EIF4G1: variants seen among roughly 807,000 people sequenced by gnomAD.
EIF4G1 encodes EIF4-gamma.
EIF4G1 carries 4 observed loss-of-function variants against 187.8 expected under a neutral mutation model. That is an observed-to-expected ratio of 0.02 (90% CI 0.01 to 0.05). The LOEUF is 0.05. Among genes scored for constraint, EIF4G1 ranks in the 10% least tolerant of loss-of-function variants. The pLI is 1.00. For synonymous variants in EIF4G1, 844 were observed against 781.4 expected (o/e 1.08, Z -1.34); for missense variants, 1,647 against 2,081.1 (o/e 0.79, Z 4.06).
chr3:184,328,559 C>A (rs917928459), intron 26 of EIF4G1, 72 bp from the exon 27 acceptor site: 1 of 1,608,738 alleles, frequency 6.2e-7, no homozygotes, highest in Admixed American at 1.7e-5. Flanking sequence ...GATGCCCTAG[C>A]CATGCCACGT....
rs139865627 is a variant in EIF4G1, at chr3:184,332,043, C to T, written c.4575C>T (p.Leu1525=). 6.8e-6 allele frequency: 11 copies of T among 1,614,228 alleles called. No homozygotes were observed. The highest frequency in any genetic ancestry group is 1.7e-5 in the Admixed American group (1 of 60,030). ...LCDEQKELQA[L]YALQALVVTL... ...ACGAGCAGAAGGAGCTACAGGCGCT[C>T]TACGCCCTCCAGGCCCTTGTAGTGA... is the stretch of plus-strand genomic sequence containing the variant. Residue 1525 remains leucine (L), a synonymous_variant, in exon 32 of 33, where the codon CTC becomes CTT. Transcript: ENST00000346169.
chr3:184,327,004 T>C (rs1449126847), intron 23 of EIF4G1, 21 bp downstream of exon 23: 1 of 1,613,884 alleles, frequency 6.2e-7, no homozygotes, highest in Admixed American at 1.7e-5. Flanking sequence ...CTGGACATCT[T>C]TGTTATTCAC....
Position 184,327,606 on chromosome 3 carries a change from C to A in EIF4G1, c.3682C>A (p.Pro1228Thr), listed in dbSNP as rs765024418. Residue 1228 changes from proline (P) to threonine (T), a missense_variant, in exon 25 of 33, where the codon CCC becomes ACC. By Grantham distance (38) the Pro-to-Thr change is conservative (BLOSUM62 -1). Coordinates refer to ENST00000346169, the MANE Select transcript of EIF4G1 (RefSeq NM_198241.3). Reference sequence around the variant, plus strand: ...CACAGTGAAGCGAGAAGCTGCCCTACCCCCAGTGAGCCCCCTGAAGGCGGC... The same window carrying A: ...CACAGTGAAGCGAGAAGCTGCCCTAACCCCAGTGAGCCCCCTGAAGGCGGC... Reference protein sequence around the residue: ...RDAVKREAALPPVSPLKAALS... With the variant: ...RDAVKREAALTPVSPLKAALS... The A allele has an allele frequency of 1.5e-5, 25 of 1,614,154 alleles. No homozygotes were observed. The highest frequency in any genetic ancestry group is 1.8e-5 in the Non-Finnish European group (21 of 1,179,998).
chr3:184,319,893 TGAG>T (rs942267552), intron 7 of EIF4G1, 92 bp downstream of exon 7: 20 of 957,382 alleles, frequency 2.1e-5, no homozygotes, highest in Admixed American at 1.0e-4. Flanking sequence ...AGCAGTGACT[TGAG>T]GAGGAAGGAG....
In EIF4G1 at chr3:184,326,971, G is replaced by A. The variant is rs1261240774; in HGVS notation, c.3416G>A (p.Arg1139His). 4.3e-6 allele frequency: 7 copies of A among 1,614,206 alleles called. No homozygotes were observed. Among genetic ancestry groups the A allele is most frequent in the South Asian group, 1.1e-5 (1 of 91,086 alleles). The stretch of plus-strand genomic sequence containing the variant: ...CCCACAGAAAGCACAGATAATAGAC[G>A]TGTGGTGCAGAGGTGAGGTTTCCTG... ...AVPTESTDNR[R>H]VVQRSSLSRE... Residue 1139 changes from arginine to histidine, a missense_variant, in exon 23 of 33, where the codon CGT becomes CAT. By Grantham distance (29) the Arg-to-His change is conservative. Transcript: ENST00000346169.
chr3:184,323,378 C>T lies in EIF4G1; in HGVS notation c.2089-30C>T, dbSNP rs1381532377. On this transcript the variant is annotated intron_variant, in intron 14 of 32. Transcript: ENST00000346169. The surrounding 1 kb of genome is among the most constrained non-coding windows in gnomAD (Gnocchi z 6.9). ...CATATTGTGCTGACTAGTTCCATGT[C>T]CCCTCTTGTCTTCATCCCTTGCTTA... 2.5e-6 allele frequency: 4 copies of T among 1,613,810 alleles called. No individual in the cohort carries two copies. Among genetic ancestry groups the T allele is most frequent in the East Asian group, 4.5e-5 (2 of 44,888 alleles).
chr3:184,328,866 G>A, intron 27 of EIF4G1, 43 bp from the exon 28 acceptor site: 1 of 1,614,010 alleles, frequency 6.2e-7, no homozygotes, highest in Non-Finnish European at 8.5e-7. Context: ...AGTGGTGAGA[G>A]AACTGTGGAG....
At chr3:184,324,681 C>T (rs1724531614) in intron 17 of EIF4G1, among the ~76,000 whole-genome samples, 197 bp from the exon 18 acceptor site, 1 of 152,212 alleles carries the variant, frequency 6.6e-6, no homozygotes, top group Non-Finnish European at 1.5e-5. Flanking sequence ...AAGCTGGTCT[C>T]AAACTCCTCC....
Position 184,323,400 on chromosome 3 carries a change from C to T in EIF4G1, c.2089-8C>T, listed in dbSNP as rs756083353. 1 of 1,614,196 alleles carries T rather than the reference C, an allele frequency of 6.2e-7. No individual in the cohort carries two copies. Among genetic ancestry groups the T allele is most frequent in the East Asian group, 2.2e-5 (1 of 44,886 alleles). The stretch of plus-strand genomic sequence containing the variant: ...TGTCCCCTCTTGTCTTCATCCCTTG[C>T]TTAGCAGGCTGGCCTGGGACCCCGG... On this transcript the variant is annotated splice_polypyrimidine_tract_variant and splice_region_variant and intron_variant, in intron 14 of 32. Coordinates refer to ENST00000346169, the MANE Select transcript of EIF4G1 (RefSeq NM_198241.3). This position sits in a 1 kb window ranked among gnomAD's most constrained non-coding sequence, Gnocchi z 6.9.
Position 184,324,225 on chromosome 3 carries a change from C to G in EIF4G1, c.2497C>G (p.Pro833Ala), listed in dbSNP as rs1200299669. The G allele has an allele frequency of 6.2e-7, 1 of 1,614,186 alleles. No individual in the cohort carries two copies. Among genetic ancestry groups the G allele is most frequent in the Non-Finnish European group, 8.5e-7 (1 of 1,180,042 alleles). The change falls in exon 17 of 33, where the codon CCA becomes GCA. Residue 833 changes from proline to alanine, a missense_variant. Pro to Ala is a conservative substitution (Grantham distance 27). Around this residue, in one of 11 missense-constraint regions of EIF4G1, gnomAD observed 36 missense variants for 87.6 expected, o/e 0.41. Transcript: ENST00000346169. ...MALKVPTTEK[P>A]TVTVNFRKLL... is the part of the protein sequence containing the mutation. Reference sequence around the variant, plus strand: ...GCTGAAAGTGCCCACTACGGAAAAGCCAACAGTGACTGTGAACTTCCGAAA... The same window carrying G: ...GCTGAAAGTGCCCACTACGGAAAAGGCAACAGTGACTGTGAACTTCCGAAA...
chr3:184,319,878 G>A (rs1469342208), intron 7 of EIF4G1, 77 bp downstream of exon 7: 6 of 1,080,564 alleles, frequency 5.6e-6, no homozygotes, highest in Non-Finnish European at 8.4e-6. Context: ...CATTGTGCCG[G>A]AAAGAGCAGT....
intron 1 of EIF4G1, among the ~76,000 whole-genome samples, chr3:184,314,956 C>T (rs1360080430): frequency 1.3e-5 from 2 of 151,240 alleles, no homozygotes; most frequent in Non-Finnish European, 3.0e-5. Context: ...GCCACCTCGG[C>T]CTGACCCGAG....
rs367955412 is a variant in EIF4G1 at position 184,323,106 on chromosome 3, A to G, written c.1953A>G (p.Pro651=). Residue 651 remains proline (P), a synonymous_variant, in exon 14 of 33, where the codon CCA becomes CCG. Transcript: ENST00000346169. This position sits in a 1 kb window ranked among gnomAD's most constrained non-coding sequence, Gnocchi z 6.9. ...AGGCCAATAAAACACCACTGCGGCCACTGGATCCCACTAGACTACAAGGCA... is the reference window on the plus strand; with the variant it reads ...AGGCCAATAAAACACCACTGCGGCCGCTGGATCCCACTAGACTACAAGGCA... ...LDKANKTPLR[P]LDPTRLQGIN... 2 of 1,614,084 alleles carry G rather than the reference A, an allele frequency of 1.2e-6. No homozygotes were observed. The highest frequency in any genetic ancestry group is 1.3e-5 in the African/African-American group (1 of 74,926).
In EIF4G1 at chr3:184,331,348, C is replaced by T; in HGVS notation, c.4244C>T (p.Ala1415Val). 1 of 1,614,200 alleles carries T rather than the reference C, an allele frequency of 6.2e-7. No homozygotes were observed. The highest frequency in any genetic ancestry group is 2.2e-5 in the East Asian group (1 of 44,882). The part of the protein sequence containing the change: ...EFLPEGQDIG[A>V]FVAEQKVEYT... The stretch of plus-strand genomic sequence containing the variant: ...CTACCTGAAGGCCAGGACATTGGTG[C>T]ATTCGTCGCTGAACAGGTTTGGGGA... The change falls in exon 29 of 33, where the codon GCA (alanine) becomes GTA (valine). Residue 1415 changes from alanine to valine, a missense_variant. Around this residue, in one of 11 missense-constraint regions of EIF4G1, gnomAD observed 543 missense variants for 638.0 expected, o/e 0.85. Transcript: ENST00000346169.
At chr3:184,322,190 T>G in intron 10 of EIF4G1, 87 bp downstream of exon 10, 1 of 1,599,326 alleles carries the variant, frequency 6.3e-7, no homozygotes, top group South Asian at 1.1e-5. Context: ...TTTGACATGT[T>G]TCTGGGTCCC....
At chr3:184,328,267 C>T in intron 26 of EIF4G1, 3 of 497,020 alleles carry the variant, frequency 6.0e-6, no homozygotes, top group South Asian at 2.0e-5. Flanking sequence ...CGTGGTGGCA[C>T]AGTAATCCCA....
chr3:184,316,607 C>A, intron 4 of EIF4G1: 1 of 1,107,822 alleles, frequency 9.0e-7, no homozygotes, highest in Non-Finnish European at 1.3e-6. Context: ...CCAGCTTCTT[C>A]CTTACTAAGT....
intron 29 of EIF4G1, 45 bp from the exon 30 acceptor site, chr3:184,331,427 C>G: frequency 6.2e-7 from 1 of 1,614,194 alleles, no homozygotes; most frequent in Non-Finnish European, 8.5e-7. Flanking sequence ...TTCTTGTCTC[C>G]TGTTGGCAAC....
chr3:184,329,996 AGTT>A (rs1322715351), intron 28 of EIF4G1, among the ~76,000 whole-genome samples: 2 of 152,246 alleles, frequency 1.3e-5, no homozygotes, highest in Admixed American at 6.5e-5. Flanking sequence ...TACCAGGACA[AGTT>A]GTTTTTTAAC....
Sources: allele counts gnomAD v4.1 joint callset (sites outside exome capture counted in the v4.1 genomes callset), GRCh38; gene constraint gnomAD v4.1.1; regional missense constraint gnomAD v4.1.1; non-coding constraint Gnocchi (gnomAD v3.1); transcripts MANE v1.5; gene names NCBI Gene and HGNC (gene_info 2026-07-23, HGNC 2026-07-21).